Variants in MMP19 observed in about 807,000 individuals in gnomAD.
The protein encoded by MMP19 is matrix metalloproteinase-19.
Under a neutral mutation model 46.6 loss-of-function variants are expected in MMP19, and 47 were observed. That is an observed-to-expected ratio of 1.01 (90% CI 0.80 to 1.29). The LOEUF (loss-of-function observed/expected upper bound fraction) is 1.29. Among genes scored for constraint, MMP19 ranks in the 50% most tolerant of loss-of-function variants. The pLI, the probability that MMP19 is intolerant of heterozygous loss-of-function variation, is 0.00. For missense variants in MMP19, 589 were observed against 643.5 expected, an observed-to-expected ratio of 0.92 and a Z score of 0.92; for synonymous variants, 222 against 248.5, an observed-to-expected ratio of 0.89 and a Z score of 1.00.
rs1297056584 is a variant in MMP19, at chr12:55,836,127, G to A, written c.*909C>T. 6.6e-6 allele frequency: 1 copy of A among 152,178 alleles called. No homozygotes were observed. Among genetic ancestry groups the A allele is most frequent in the Non-Finnish European group, 1.5e-5 (1 of 68,038 alleles). The allele number at this position is 152,178 out of a possible 1,614,324, so 9.4% of individuals were successfully genotyped here. On this transcript the variant is annotated 3_prime_UTR_variant, in exon 9 of 9. Transcript: ENST00000322569. The stretch of plus-strand genomic sequence containing the variant: ...TCCCCCTCTGACTCTCCTGCGCAGG[G>A]TCTGTTCCTGGTTTCCCAGATGCAT...
Position 55,842,766 on chromosome 12 carries a change from C to T in MMP19, c.65G>A (p.Gly22Glu), listed in dbSNP as rs1222982607. 3 of 1,606,974 alleles carry T rather than the reference C, an allele frequency of 1.9e-6. No individual in the cohort carries two copies. Among genetic ancestry groups the T allele is most frequent in the Admixed American group, 1.7e-5 (1 of 59,030 alleles). ...TACCACAGGCGCCACCTCTGCAAGC[C>T]CCAGGACCCGGCCTGAGACTGTCAT... ...LPMTVSGRVL[G>E]LAEVAPVDYL... The change falls in exon 1 of 9, where the codon GGG becomes GAG. Residue 22 changes from glycine (G) to glutamate (E), a missense_variant. Coordinates refer to ENST00000322569, the MANE Select transcript of MMP19 (RefSeq NM_002429.6).
rs1881804427 is a variant in MMP19 at position 55,842,908 on chromosome 12, TA to T, written c.-79del. ...TCTGGGAGCCTTGGGGGAGCAGTGC[TA>T]GGCAGAGGGGCTCTTACCCCCAGTT... is the stretch of plus-strand genomic sequence containing the variant. On this transcript the variant is annotated 5_prime_UTR_variant, in exon 1 of 9. Coordinates refer to ENST00000322569, the MANE Select transcript of MMP19 (RefSeq NM_002429.6). The T allele has an allele frequency of 8.9e-7, 1 of 1,119,114 alleles. No individual in the cohort carries two copies. The highest frequency in any genetic ancestry group is 1.3e-6 in the Non-Finnish European group (1 of 762,752). 69.3% of individuals were successfully genotyped at this position (1,119,114 alleles called of 1,614,324 possible).
Position 55,836,268 on chromosome 12 carries a change from G to T in MMP19, c.*768C>A, listed in dbSNP as rs887441397. Reference sequence around the variant, plus strand: ...TGAACCAGGGAGTCCAGCCTCTGCTGTTGCTGCTCTTTTCTTTCTCTGCAC... The same window carrying T: ...TGAACCAGGGAGTCCAGCCTCTGCTTTTGCTGCTCTTTTCTTTCTCTGCAC... On this transcript the variant is annotated 3_prime_UTR_variant, in exon 9 of 9. Transcript: ENST00000322569. 5.3e-5 allele frequency: 8 copies of T among 152,236 alleles called. No homozygotes were observed. Among genetic ancestry groups the T allele is most frequent in the African/African-American group, 1.9e-4 (8 of 41,440 alleles). The allele number at this position is 152,236 out of a possible 1,614,324, so 9.4% of individuals were successfully genotyped here. A position where few individuals can be genotyped will look rare whatever the true frequency, so the allele number is the denominator to read the frequency against.
At chr12:55,839,950 G>A in intron 4 of MMP19, 1 of 628,894 alleles carries the variant, frequency 1.6e-6, no homozygotes, top group Non-Finnish European at 2.7e-6. Flanking sequence ...TACCTTCCCA[G>A]CCACTCCCTG....
rs781773167 is a variant in MMP19 at position 55,837,930 on chromosome 12, G to T, written c.973C>A (p.Arg325=). The change falls in exon 7 of 9, where the codon CGA becomes AGA. Residue 325 remains arginine (R), a synonymous_variant. Transcript: ENST00000322569. ...VSDSGPGPLF[R]VSALWEGLPG... The stretch of plus-strand genomic sequence containing the variant: ...AGCCCCTCCCAAAGGGCAGACACTC[G>T]GAACAAGGGGCCCGGTCCTGAATCT... 1.4e-5 allele frequency: 23 copies of T among 1,612,972 alleles called. No homozygotes were observed. The Admixed American group carries it at 3.7e-4, about 26-fold the overall frequency.
In MMP19 at chr12:55,839,680, C is replaced by T; in HGVS notation, c.582G>A (p.Glu194=). 1 of 1,614,252 alleles carries T rather than the reference C, an allele frequency of 6.2e-7. No individual in the cohort carries two copies. Among genetic ancestry groups the T allele is most frequent in the Non-Finnish European group, 8.5e-7 (1 of 1,180,036 alleles). ...CACGGTAGGTCCCCTCAGTCCAGAACTCGTCTTCGTCGAAGTGCACACTGC... is the reference window on the plus strand; with the variant it reads ...CACGGTAGGTCCCCTCAGTCCAGAATTCGTCTTCGTCGAAGTGCACACTGC... The part of the protein sequence containing the change: ...ELGSVHFDED[E]FWTEGTYRGV... The change falls in exon 5 of 9, where the codon GAG becomes GAA. Residue 194 remains glutamate, a synonymous_variant. Transcript: ENST00000322569.
At chr12:55,838,772 A>C in intron 5 of MMP19, 38 bp from the exon 6 acceptor site, 1 of 1,506,500 alleles carries the variant, frequency 6.6e-7, no homozygotes, top group Middle Eastern at 1.8e-4. Context: ...GAGAGAACTC[A>C]CAGCACCTGT....
At chr12:55,841,852 G>A (rs945112999) in intron 2 of MMP19, among the ~76,000 whole-genome samples, 5 of 152,060 alleles carry the variant, frequency 3.3e-5, no homozygotes, top group African/African-American at 9.7e-5. Context: ...ATGGATACCC[G>A]TCCCAGCCCA....
rs147421269 is a variant in MMP19, at chr12:55,842,810, C to T, written c.21G>A (p.Trp7Ter). The change falls in exon 1 of 9, where the codon TGG (tryptophan) becomes TGA (stop). Residue 7 changes from tryptophan to a stop codon, truncating the protein, a stop_gained. Coordinates refer to ENST00000322569, the MANE Select transcript of MMP19 (RefSeq NM_002429.6). LOFTEE classifies it high-confidence loss of function. ...CTGTCATGGGGAGTAGGAAGCCCAG[C>T]CACAGCTGCTGGCAGTTCATGGTCC... MNCQQL[W>*]LGFLLPMTVS... is the part of the protein sequence containing the mutation. 103 of 1,602,414 alleles carry T rather than the reference C, an allele frequency of 6.4e-5. No individual in the cohort carries two copies. The African/African-American group carries it at 1.1e-3, about 17-fold the overall frequency.
chr12:55,841,512 T>TTCCA (rs1420125208), intron 2 of MMP19: 5 of 74,490 alleles, frequency 6.7e-5, no homozygotes, highest in Middle Eastern at 5.3e-3. Context: ...TACTGCAATC[T>TTCCA]TCCTTCCTTC....
intron 2 of MMP19, 23 bp downstream of exon 2, chr12:55,842,330 G>T: frequency 1.3e-6 from 2 of 1,590,046 alleles, no homozygotes; most frequent in African/African-American, 1.3e-5. Flanking sequence ...AGCCCTAAAG[G>T]CATACACCTC....
At chr12:55,841,353 T>G (rs1592610396) in intron 2 of MMP19, 117 bp from the exon 3 acceptor site, 2 of 1,189,694 alleles carry the variant, frequency 1.7e-6, no homozygotes, top group East Asian at 4.9e-5. Flanking sequence ...ACAGAATCCC[T>G]GAAGCTGACA....
Position 55,838,021 on chromosome 12 carries a change from T to C in MMP19, c.896-14A>G. 1 of 1,549,310 alleles carries C rather than the reference T, an allele frequency of 6.5e-7. No individual in the cohort carries two copies. Among genetic ancestry groups the C allele is most frequent in the Non-Finnish European group, 8.7e-7 (1 of 1,144,092 alleles). Reference sequence around the variant, plus strand: ...TCCCACGGGGCCCTGAGCGTAATGGTGTGTCAACAAGTCAAAAAGACAGAG... The same window carrying C: ...TCCCACGGGGCCCTGAGCGTAATGGCGTGTCAACAAGTCAAAAAGACAGAG... On this transcript the variant is annotated splice_polypyrimidine_tract_variant and intron_variant, in intron 6 of 8. Transcript: ENST00000322569.
In MMP19 at chr12:55,842,798, T is replaced by C. The variant is rs758005179; in HGVS notation, c.33A>G (p.Leu11=). 5 of 1,604,752 alleles carry C rather than the reference T, an allele frequency of 3.1e-6. No individual in the cohort carries two copies. The South Asian group carries it at 5.6e-5, about 18-fold the overall frequency. The change falls in exon 1 of 9, where the codon CTA becomes CTG. Residue 11 remains leucine (L), a synonymous_variant. Coordinates refer to ENST00000322569, the MANE Select transcript of MMP19 (RefSeq NM_002429.6). The part of the protein sequence containing the change: MNCQQLWLGF[L]LPMTVSGRVL... ...CCCGGCCTGAGACTGTCATGGGGAGTAGGAAGCCCAGCCACAGCTGCTGGC... is the reference window on the plus strand; with the variant it reads ...CCCGGCCTGAGACTGTCATGGGGAGCAGGAAGCCCAGCCACAGCTGCTGGC...
chr12:55,841,433 A>T (rs1334726683), intron 2 of MMP19, 197 bp from the exon 3 acceptor site: 6 of 551,098 alleles, frequency 1.1e-5, no homozygotes, highest in Non-Finnish European at 1.9e-5. Flanking sequence ...GAGATACTCC[A>T]GCTTCATCTC....
In MMP19 at chr12:55,836,445, T is replaced by G. The variant is rs996066637; in HGVS notation, c.*591A>C. 9.8e-5 allele frequency: 15 copies of G among 152,396 alleles called. No individual in the cohort carries two copies. The highest frequency in any genetic ancestry group is 8.5e-4 in the Admixed American group (13 of 15,266). The allele number at this position is 152,396 out of a possible 1,614,324, so 9.4% of individuals were successfully genotyped here. ...CCTCTCTTATGAACATGGAGTTAGC[T>G]TTTATTAAACACAAATGTACCAGAC... On this transcript the variant is annotated 3_prime_UTR_variant, in exon 9 of 9. Coordinates refer to ENST00000322569, the MANE Select transcript of MMP19 (RefSeq NM_002429.6).
intron 4 of MMP19, among the ~76,000 whole-genome samples, chr12:55,840,366 A>C: frequency 8.8e-6 from 1 of 113,036 alleles, no homozygotes; most frequent in South Asian, 3.5e-4. Flanking sequence ...GAGAGAAGGA[A>C]GGAAGGGAGG....
rs750651867 is a variant in MMP19, at chr12:55,837,353, C to T, written c.1210G>A (p.Asp404Asn). Reference sequence around the variant, plus strand: ...CTGAAGTCAGTTCGGGCTAGCTCGTCCCACTGCCAGTACCCGGAGCCCTGG... The same window carrying T: ...CTGAAGTCAGTTCGGGCTAGCTCGTTCCACTGCCAGTACCCGGAGCCCTGG... The part of the protein sequence containing the change: ...LFKGSGYWQW[D>N]ELARTDFSSY... The change falls in exon 9 of 9, where the codon GAC becomes AAC. Residue 404 changes from aspartate (D) to asparagine (N), a missense_variant. By Grantham distance (23) the Asp-to-Asn change is conservative. Transcript: ENST00000322569. 1 of 1,603,788 alleles carries T rather than the reference C, an allele frequency of 6.2e-7. No individual in the cohort carries two copies. The highest frequency in any genetic ancestry group is 8.5e-7 in the Non-Finnish European group (1 of 1,172,038).
chr12:55,840,880 G>T lies in MMP19; in HGVS notation c.307C>A (p.Arg103Ser), dbSNP rs17844794. 9 of 1,578,922 alleles carry T rather than the reference G, an allele frequency of 5.7e-6. No homozygotes were observed. The South Asian group carries it at 1.0e-4, about 18-fold the overall frequency. Residue 103 changes from arginine (R) to serine (S), a missense_variant and splice_region_variant, in exon 4 of 9, where the codon CGC becomes AGC. Arg to Ser is a moderately radical substitution (Grantham distance 110). Coordinates refer to ENST00000322569, the MANE Select transcript of MMP19 (RefSeq NM_002429.6). The stretch of plus-strand genomic sequence containing the variant: ...AAAGTCAGGTGCTTCTTTCTCCAGC[G>T]GCCTAGTTAATGACCAGAAAACAGA... ...QKTLKYLLLG[R>S]WRKKHLTFRI...
Sources: allele counts gnomAD v4.1 joint callset (sites outside exome capture counted in the v4.1 genomes callset), GRCh38; gene constraint gnomAD v4.1.1; transcripts MANE v1.5; gene names NCBI Gene and HGNC (gene_info 2026-07-23, HGNC 2026-07-21).